RHOBTB3: variants seen among roughly 807,000 people sequenced by gnomAD.
The protein encoded by RHOBTB3 is Rho related BTB domain containing 3, also known as rho-related BTB domain-containing protein 3.
Under a neutral mutation model 67.2 loss-of-function variants are expected in RHOBTB3, and 47 were observed. That is an observed-to-expected ratio of 0.70 (90% CI 0.55 to 0.89). The LOEUF (loss-of-function observed/expected upper bound fraction) is 0.89, where lower values mean the gene tolerates loss of function less well. RHOBTB3 is among the 40% of genes least tolerant of loss of function. The probability of loss-of-function intolerance (pLI) is 0.00; values close to 1 mark genes in which losing one functional copy is unlikely to be tolerated. For missense variants in RHOBTB3, 631 were observed against 750.0 expected (o/e 0.84, Z 1.85); for synonymous variants, 273 against 274.2 (o/e 1.00, Z 0.04).
chr5:95,738,219 G>C (rs148408728), intron 3 of RHOBTB3, among the ~76,000 whole-genome samples: 128 of 152,268 alleles, frequency 8.4e-4, no homozygotes, highest in East Asian at 5.6e-3. Flanking sequence ...AGGCAGGCAT[G>C]ACCTACCCGT....
rs1386044839 is a variant in RHOBTB3, at chr5:95,795,678, T to G, written c.*2504T>G. ...AGATGTCACAGCTCTCCAGAGCTAG[T>G]CAGAAGAGAAATCAAATTAGTGTTT... On this transcript the variant is annotated 3_prime_UTR_variant, in exon 12 of 12. Coordinates refer to ENST00000379982, the MANE Select transcript of RHOBTB3 (RefSeq NM_014899.4). 6.6e-6 allele frequency: 1 copy of G among 152,232 alleles called. No individual in the cohort carries two copies. Among genetic ancestry groups the G allele is most frequent in the East Asian group, 1.9e-4 (1 of 5,196 alleles). The allele number at this position is 152,232 out of a possible 1,614,324, so 9.4% of individuals were successfully genotyped here. A position where few individuals can be genotyped will look rare whatever the true frequency, so the allele number is the denominator to read the frequency against.
chr5:95,747,256 G>T (rs1448317122), intron 3 of RHOBTB3, among the ~76,000 whole-genome samples: 1 of 152,130 alleles, frequency 6.6e-6, no homozygotes, highest in Non-Finnish European at 1.5e-5. Context: ...CTAAGCTCCA[G>T]AGCCCCCTGT....
At chr5:95,721,179 T>G (rs1348247726) in intron 1 of RHOBTB3, among the ~76,000 whole-genome samples, 1 of 152,146 alleles carries the variant, frequency 6.6e-6, no homozygotes, top group Non-Finnish European at 1.5e-5. Flanking sequence ...CTGAATGAGA[T>G]TTTAGGGATG....
chr5:95,730,095 AC>A (rs1485311775), upstream of RHOBTB3, among the ~76,000 whole-genome samples: 1 of 152,076 alleles, frequency 6.6e-6, no homozygotes, highest in African/African-American at 2.4e-5. Context: ...AAAAAAAAAA[AC>A]AGTGACCACA....
At position 95,780,531 on chromosome 5, in the gene RHOBTB3, T is replaced by C. The variant is rs953624784; in HGVS notation, c.1456+106T>C. 4.2e-6 allele frequency: 4 copies of C among 953,546 alleles called. No individual in the cohort carries two copies. The African/African-American group carries it at 4.9e-5, about 12-fold the overall frequency. The allele number at this position is 953,546 out of a possible 1,614,324, so 59.1% of individuals were successfully genotyped here. On this transcript the variant is annotated intron_variant, in intron 9 of 11. Coordinates refer to ENST00000379982, the MANE Select transcript of RHOBTB3 (RefSeq NM_014899.4). ...TCTATTTTCATTTAAGATTTATTAG[T>C]TGACATCACGGAATGTACTAAGCAA...
intron 3 of RHOBTB3, among the ~76,000 whole-genome samples, chr5:95,738,845 G>A (rs889215417): frequency 6.6e-6 from 1 of 152,066 alleles, no homozygotes. Flanking sequence ...AGAGATAAGA[G>A]ATAATAATAC....
chr5:95,770,427 C>A, intron 8 of RHOBTB3: 1 of 245,474 alleles, frequency 4.1e-6, no homozygotes, highest in Non-Finnish European at 8.5e-6. Context: ...ATTCAACATT[C>A]TGGCAGTGAC....
chr5:95,743,004 G>A (rs1450379229), intron 3 of RHOBTB3, among the ~76,000 whole-genome samples: 1 of 152,186 alleles, frequency 6.6e-6, no homozygotes, highest in East Asian at 1.9e-4. Flanking sequence ...CTGGGAGGCG[G>A]AGGTTGCTGT....
chr5:95,777,386 T>C (rs1389582007), intron 8 of RHOBTB3, among the ~76,000 whole-genome samples: 2 of 152,266 alleles, frequency 1.3e-5, no homozygotes, highest in African/African-American at 4.8e-5. Context: ...CTATGTAAAG[T>C]GACTAGAAAA....
rs768576337 is a variant in RHOBTB3, at chr5:95,736,949, G to A, written c.289G>A (p.Val97Met). 1.2e-6 allele frequency: 2 copies of A among 1,612,840 alleles called. No individual in the cohort carries two copies. Among genetic ancestry groups the A allele is most frequent in the South Asian group, 1.1e-5 (1 of 90,898 alleles). ...RNLIGGADII[V>M]IKYNVNDKFS... ...TCTAATTGGGGGCGCTGACATCATTGTGATCAAATACAACGTTAATGACAA... is the reference window on the plus strand; with the variant it reads ...TCTAATTGGGGGCGCTGACATCATTATGATCAAATACAACGTTAATGACAA... Residue 97 changes from valine to methionine, a missense_variant, in exon 3 of 12, where the codon GTG (valine) becomes ATG (methionine). By Grantham distance (21) the Val-to-Met change is conservative. Transcript: ENST00000379982.
upstream of RHOBTB3, among the ~76,000 whole-genome samples, chr5:95,728,217 G>C (rs993896447): frequency 2.0e-5 from 3 of 152,158 alleles, no homozygotes; most frequent in Non-Finnish European, 4.4e-5. Flanking sequence ...GTATCACCAG[G>C]TATGACTCCA....
At chr5:95,742,465 A>G (rs1250795247) in intron 3 of RHOBTB3, among the ~76,000 whole-genome samples, 1 of 152,146 alleles carries the variant, frequency 6.6e-6, no homozygotes, top group Non-Finnish European at 1.5e-5. Flanking sequence ...TAACTGTGTG[A>G]CTTCAGATAT....
chr5:95,788,075 C>T (rs1746274298), intron 10 of RHOBTB3, among the ~76,000 whole-genome samples: 1 of 152,208 alleles, frequency 6.6e-6, no homozygotes, highest in South Asian at 2.1e-4. Context: ...GCCAAAGTTG[C>T]CTGCCAGCAA....
At chr5:95,772,505 G>A (rs1444599725) in intron 8 of RHOBTB3, among the ~76,000 whole-genome samples, 1 of 151,670 alleles carries the variant, frequency 6.6e-6, no homozygotes, top group Non-Finnish European at 1.5e-5. Flanking sequence ...TTTAACCTAG[G>A]TCCTCTTGAT....
In RHOBTB3 at chr5:95,768,135, G is replaced by T. The variant is rs375515640; in HGVS notation, c.1251G>T (p.Pro417=). Residue 417 remains proline, a synonymous_variant, in exon 8 of 12, where the codon CCG becomes CCT. Transcript: ENST00000379982. The part of the protein sequence containing the change: ...NTSLKFFLNK[P]MLADVVFEIQ... ...CCCTCAAGTTTTTCCTTAATAAGCC[G>T]ATGCTTGCCGATGTTGTCTTCGAAA... The T allele has an allele frequency of 1.9e-6, 3 of 1,613,056 alleles. No homozygotes were observed. The African/African-American group carries it at 4.0e-5, about 22-fold the overall frequency.
rs1746485114 is a variant in RHOBTB3, at chr5:95,793,639, T to C, written c.*465T>C. Reference sequence around the variant, plus strand: ...TCAGTCCAACATGAGATTTTAGGAATAGAAATTTGCCGGCCATTTGGAAAG... The same window carrying C: ...TCAGTCCAACATGAGATTTTAGGAACAGAAATTTGCCGGCCATTTGGAAAG... On this transcript the variant is annotated 3_prime_UTR_variant, in exon 12 of 12. Transcript: ENST00000379982. 1 of 188,784 alleles carries C rather than the reference T, an allele frequency of 5.3e-6. No individual in the cohort carries two copies. Among genetic ancestry groups the C allele is most frequent in the Non-Finnish European group, 1.1e-5 (1 of 89,174 alleles). 11.7% of individuals were successfully genotyped at this position (188,784 alleles called of 1,614,324 possible).
chr5:95,731,183 G>T, upstream of RHOBTB3: 1 of 1,008,110 alleles, frequency 9.9e-7, no homozygotes, highest in Non-Finnish European at 1.2e-6. Flanking sequence ...CGCCGCCACC[G>T]GAGCTCCCGG....
At chr5:95,737,126 C>G in intron 3 of RHOBTB3, 51 bp downstream of exon 3, 1 of 1,211,008 alleles carries the variant, frequency 8.3e-7, no homozygotes, top group Non-Finnish European at 1.2e-6. Flanking sequence ...ATTATATATA[C>G]TTTAAATAGT....
intron 1 of RHOBTB3, among the ~76,000 whole-genome samples, chr5:95,723,899 G>A (rs983241766): frequency 1.3e-5 from 2 of 152,098 alleles, no homozygotes; most frequent in Non-Finnish European, 2.9e-5. Context: ...GAAAAAATGT[G>A]AGCACACTCC....
Sources: gnomAD v4.1 joint callset for allele counts (sites outside exome capture counted in the v4.1 genomes callset) on GRCh38, gnomAD v4.1.1 for gene constraint, MANE v1.5 for transcripts, NCBI Gene and HGNC (gene_info 2026-07-23, HGNC 2026-07-21) for gene names.